Variants in PITPNC1 observed in about 807,000 individuals in gnomAD.
The protein encoded by PITPNC1 is cytoplasmic phosphatidylinositol transfer protein 1.
In PITPNC1, 18 loss-of-function variants were observed where a neutral mutation model predicts 44.7. The ratio of observed to expected loss-of-function variants is 0.40; its 90% CI spans 0.28 to 0.60. The LOEUF is 0.60. Among genes scored for constraint, PITPNC1 ranks in the 20% least tolerant of loss-of-function variants. The pLI is 0.39. For synonymous variants in PITPNC1, 141 were observed against 149.6 expected (o/e 0.94, Z 0.42); for missense variants, 290 against 418.4 (o/e 0.69, Z 2.68).
At chr17:67,545,867 G>A (rs1451774588) in intron 2 of PITPNC1, among the ~76,000 whole-genome samples, 1 of 152,020 alleles carries the variant, frequency 6.6e-6, no homozygotes, top group Non-Finnish European at 1.5e-5. Context: ...CTGCCCTGGT[G>A]GGACTTGCAT....
chr17:67,567,334 A>G (rs2040993533), intron 4 of PITPNC1, among the ~76,000 whole-genome samples: 1 of 152,104 alleles, frequency 6.6e-6, no homozygotes, highest in Non-Finnish European at 1.5e-5. Flanking sequence ...AATACAAAAA[A>G]TTAGCCAGGC....
chr17:67,644,425 ATTTTTTTTTTTTTT>A (rs750245444), intron 6 of PITPNC1, among the ~76,000 whole-genome samples: 10 of 109,042 alleles, frequency 9.2e-5, no homozygotes, highest in East Asian at 5.0e-4. Context: ...TCCCTCTGTA[ATTTTTTTTTTTTTT>A]TTTTTTTTTT....
At chr17:67,666,060 C>G (rs942828184) in intron 6 of PITPNC1, among the ~76,000 whole-genome samples, 1 of 152,120 alleles carries the variant, frequency 6.6e-6, no homozygotes, top group African/African-American at 2.4e-5. Context: ...CCAGGCTGGT[C>G]TCAAACTCCT....
chr17:67,395,655 C>G (rs916262739), intron 1 of PITPNC1, among the ~76,000 whole-genome samples: 1 of 152,100 alleles, frequency 6.6e-6, no homozygotes, highest in Non-Finnish European at 1.5e-5. Flanking sequence ...GCCCTTACAT[C>G]CCACATGAAT....
At chr17:67,430,129 C>T (rs1306788877) in intron 1 of PITPNC1, among the ~76,000 whole-genome samples, 1 of 152,180 alleles carries the variant, frequency 6.6e-6, no homozygotes, top group Admixed American at 6.5e-5. Context: ...GGGTTTAAGA[C>T]AGTTCTGAAT....
chr17:67,462,991 C>G lies in PITPNC1; in HGVS notation c.49-69811C>G, dbSNP rs183371257. 8.3e-4 allele frequency among the ~76,000 whole-genome samples: 126 copies of G among 152,304 alleles called. 3 individuals are homozygous for G. Among genetic ancestry groups the G allele is most frequent in the Admixed American group, 7.1e-3 (109 of 15,296 alleles). Reference sequence around the variant, plus strand: ...TGCTAGGATTACAGGCGTGAGCCGCCGCCCCCGGCAACAATTGGAAATTTT... The same window carrying G: ...TGCTAGGATTACAGGCGTGAGCCGCGGCCCCCGGCAACAATTGGAAATTTT... On this transcript the variant is annotated intron_variant, in intron 1 of 8. Coordinates refer to ENST00000581322, the MANE Select transcript of PITPNC1 (RefSeq NM_012417.4).
chr17:67,564,666 A>G (rs1462828280), intron 4 of PITPNC1, among the ~76,000 whole-genome samples: 1 of 152,232 alleles, frequency 6.6e-6, no homozygotes, highest in Non-Finnish European at 1.5e-5. Context: ...AGTGTTCTTT[A>G]TAACATAATC....
At chr17:67,517,146 C>T (rs1398080587) in intron 1 of PITPNC1, among the ~76,000 whole-genome samples, 7 of 152,240 alleles carry the variant, frequency 4.6e-5, no homozygotes, top group Admixed American at 6.5e-5. Flanking sequence ...GAGCTGCCTG[C>T]GATCGTTGTT....
intron 1 of PITPNC1, among the ~76,000 whole-genome samples, chr17:67,386,901 A>G (rs2038062659): frequency 6.6e-6 from 1 of 152,120 alleles, no homozygotes. Context: ...CCGGGAGAGG[A>G]AAAGGAGAAT....
At chr17:67,448,218 A>G (rs147303983) in intron 1 of PITPNC1, among the ~76,000 whole-genome samples, 2,445 of 152,284 alleles carry the variant, frequency 0.016, 30 homozygotes, top group Non-Finnish European at 0.023. Context: ...AAGTGCTGGG[A>G]TTACAGGCAT....
chr17:67,668,167 T>C (rs2042452607), intron 6 of PITPNC1, among the ~76,000 whole-genome samples: 1 of 152,162 alleles, frequency 6.6e-6, no homozygotes, highest in Admixed American at 6.6e-5. Context: ...AGATTACTGC[T>C]CATCTAACTT....
chr17:67,552,348 A>G lies in PITPNC1; in HGVS notation c.286+3A>G. 1 of 1,447,296 alleles carries G rather than the reference A, an allele frequency of 6.9e-7. No homozygotes were observed. The highest frequency in any genetic ancestry group is 1.1e-5 in the South Asian group (1 of 87,710). The allele number at this position is 1,447,296 out of a possible 1,614,324, so 89.7% of individuals were successfully genotyped here. On this transcript the variant is annotated splice_donor_region_variant and intron_variant, in intron 3 of 8. Transcript: ENST00000581322. ...CTATTATCCCTACACAATTACAGGT[A>G]AGTCCTTAGTACAACCATATGGCAC...
intron 1 of PITPNC1, among the ~76,000 whole-genome samples, chr17:67,485,370 ATTTTT>A (rs56863875): frequency 2.5e-5 from 3 of 122,166 alleles, no homozygotes; most frequent in Non-Finnish European, 3.4e-5. Flanking sequence ...TAGTTGGGTG[ATTTTT>A]TTTTTTTTTT....
At chr17:67,497,120 C>T (rs2039962367) in intron 1 of PITPNC1, among the ~76,000 whole-genome samples, 1 of 151,906 alleles carries the variant, frequency 6.6e-6, no homozygotes, top group Admixed American at 6.6e-5. Flanking sequence ...CTGGGCAACA[C>T]AGTAAGAGCC....
intron 1 of PITPNC1, among the ~76,000 whole-genome samples, chr17:67,402,954 A>G (rs1242370933): frequency 6.6e-6 from 1 of 152,170 alleles, no homozygotes; most frequent in Non-Finnish European, 1.5e-5. Flanking sequence ...GGCGTGAGCC[A>G]CCGCGCCTAG....
At chr17:67,471,927 T>A (rs1396451726) in intron 1 of PITPNC1, among the ~76,000 whole-genome samples, 1 of 152,108 alleles carries the variant, frequency 6.6e-6, no homozygotes, top group Non-Finnish European at 1.5e-5. Flanking sequence ...TCAATCTATG[T>A]CAATTTCTCT....
intron 5 of PITPNC1, among the ~76,000 whole-genome samples, chr17:67,604,554 G>A (rs183598745): frequency 5.9e-5 from 9 of 152,340 alleles, no homozygotes; most frequent in African/African-American, 2.2e-4. Flanking sequence ...AGGCCCAGGC[G>A]GGTGGATAGC....
intron 1 of PITPNC1, among the ~76,000 whole-genome samples, chr17:67,390,791 A>AG (rs1285797565): frequency 6.6e-6 from 1 of 152,174 alleles, no homozygotes; most frequent in Non-Finnish European, 1.5e-5. Context: ...ACCATAGTGG[A>AG]GGAGGGAGTC....
At chr17:67,477,017 A>G (rs1203163052) in intron 1 of PITPNC1, among the ~76,000 whole-genome samples, 1 of 152,164 alleles carries the variant, frequency 6.6e-6, no homozygotes, top group Non-Finnish European at 1.5e-5. Context: ...CGAAGTTTGG[A>G]AACTCTGAGT....
Sources: gnomAD v4.1 joint callset for allele counts (sites outside exome capture counted in the v4.1 genomes callset) on GRCh38, gnomAD v4.1.1 for gene constraint, MANE v1.5 for transcripts, NCBI Gene and HGNC (gene_info 2026-07-23, HGNC 2026-07-21) for gene names.